Variants in DEAF1 observed in about 807,000 individuals in gnomAD.
DEAF1 encodes deformed epidermal autoregulatory factor 1 homolog.
Under a neutral mutation model 58.9 loss-of-function variants are expected in DEAF1, and 53 were observed. The ratio of observed to expected loss-of-function variants is 0.90; its 90% CI spans 0.72 to 1.13. The LOEUF is 1.13. Among genes scored for constraint, DEAF1 ranks in the 50% most tolerant of loss-of-function variants. DEAF1 has a pLI of 0.00. For synonymous variants in DEAF1, 385 were observed against 340.4 expected (o/e 1.13, Z -1.44); for missense variants, 685 against 791.4 (o/e 0.87, Z 1.61).
upstream of DEAF1, chr11:695,517 T>G (rs1371899122): frequency 2.4e-5 from 24 of 997,978 alleles, no homozygotes; most frequent in Non-Finnish European, 3.0e-5. Context: ...CAGAGAGAGC[T>G]TAGTGCCGCG....
chr11:681,122 A>G (rs1461414796), intron 6 of DEAF1, 33 bp from the exon 7 acceptor site: 1 of 1,613,244 alleles, frequency 6.2e-7, no homozygotes, highest in Admixed American at 1.7e-5. Flanking sequence ...CACCACCTTC[A>G]TGTGTGCAAA....
At chr11:700,905 A>G (rs930639374) in intron 1 of DEAF1, 1 of 620,556 alleles carries the variant, frequency 1.6e-6, no homozygotes, top group African/African-American at 1.8e-5. Context: ...GACAAATAAC[A>G]CTGGGGGCAT....
chr11:696,577 C>G (rs1165137565), upstream of DEAF1, among the ~76,000 whole-genome samples: 1 of 151,914 alleles, frequency 6.6e-6, no homozygotes, highest in Non-Finnish European at 1.5e-5. Flanking sequence ...CCAGCCTGGG[C>G]AACATAGCAA....
At chr11:679,636 CACAG>C (rs1860251421) in intron 8 of DEAF1, 48 bp downstream of exon 8, 1 of 1,603,694 alleles carries the variant, frequency 6.2e-7, no homozygotes, top group Non-Finnish European at 8.5e-7. Flanking sequence ...GATGTGATGT[CACAG>C]ACAGGGATAT....
chr11:683,687 T>C (rs896945761), intron 6 of DEAF1, among the ~76,000 whole-genome samples: 6 of 152,262 alleles, frequency 3.9e-5, no homozygotes, highest in African/African-American at 7.2e-5. Flanking sequence ...TTGATAGTCA[T>C]TGTGTTAAAC....
At chr11:662,217 T>C (rs1304121952) in intron 10 of DEAF1, among the ~76,000 whole-genome samples, 1 of 151,674 alleles carries the variant, frequency 6.6e-6, no homozygotes, top group East Asian at 1.9e-4. Flanking sequence ...AGGCAGAGGT[T>C]GTGTGTGGTG....
At chr11:686,197 T>A (rs1590015534) in intron 5 of DEAF1, among the ~76,000 whole-genome samples, 1 of 140,520 alleles carries the variant, frequency 7.1e-6, no homozygotes, top group Non-Finnish European at 1.5e-5. Context: ...GAGGCTGAGG[T>A]GGGACAATCC....
intron 9 of DEAF1, among the ~76,000 whole-genome samples, chr11:677,125 A>G (rs1167604360): frequency 1.4e-5 from 2 of 139,690 alleles, no homozygotes; most frequent in African/African-American, 2.5e-5. Flanking sequence ...CCCACCCCAC[A>G]CTTTTTTTTT....
At chr11:703,502 C>T in intron 1 of DEAF1, 1 of 1,245,084 alleles carries the variant, frequency 8.0e-7, no homozygotes, top group African/African-American at 1.5e-5. Context: ...GAGGACAGAG[C>T]CCTTCAGAAC....
At chr11:696,599 T>TA (rs879499347), upstream of DEAF1, among the ~76,000 whole-genome samples, 90 of 145,764 alleles carry the variant, frequency 6.2e-4, no homozygotes, top group Middle Eastern at 3.6e-3. Flanking sequence ...ACCCCCTCTA[T>TA]AAAAAAAAAA....
chr11:660,394 C>A (rs1215063282), intron 10 of DEAF1, among the ~76,000 whole-genome samples: 1 of 152,254 alleles, frequency 6.6e-6, no homozygotes, highest in Non-Finnish European at 1.5e-5. Flanking sequence ...CATCCCAGGT[C>A]AGGCAGGGTC....
At chr11:707,030 T>C (rs1163276339) in exon 1 of DEAF1, among the ~76,000 whole-genome samples, 1 of 151,824 alleles carries the variant, frequency 6.6e-6, no homozygotes, top group Non-Finnish European at 1.5e-5. Context: ...GGGCCGGGCA[T>C]GCCCGGACCT....
intron 5 of DEAF1, among the ~76,000 whole-genome samples, chr11:686,267 G>C (rs1860588798): frequency 6.7e-6 from 1 of 149,872 alleles, no homozygotes; most frequent in African/African-American, 2.5e-5. Flanking sequence ...ACTCCAGCCT[G>C]GGCAACAGGG....
chr11:694,976 A>AGCGGCCGCGGCCGCCACC lies in DEAF1; in HGVS notation c.54_71dup (p.Val25_Ala30dup), dbSNP rs1194404937. On this transcript the variant is annotated inframe_insertion, in exon 1 of 12. Coordinates refer to ENST00000382409, the MANE Select transcript of DEAF1 (RefSeq NM_021008.4). ...CCGCGGCCGCGGCCGCCGCCGCCAC[A>AGCGGCCGCGGCCGCCACC]GCGGCCGCGGCCGCCACCGCCGCCG... The AGCGGCCGCGGCCGCCACC allele has an allele frequency of 9.9e-7, 1 of 1,012,968 alleles. No homozygotes were observed. The highest frequency in any genetic ancestry group is 3.6e-5 in the South Asian group (1 of 27,680). 62.7% of individuals were successfully genotyped at this position (1,012,968 alleles called of 1,614,324 possible).
intron 10 of DEAF1, among the ~76,000 whole-genome samples, chr11:670,338 G>C (rs1859754941): frequency 6.6e-6 from 1 of 151,284 alleles, no homozygotes; most frequent in South Asian, 2.1e-4. Context: ...AGATTTTTTT[G>C]CCTTTAAACT....
rs150715233 is a variant in DEAF1 at position 646,538 on chromosome 11, T to A, written c.1594-1884A>T. 811 of 152,328 alleles carry A rather than the reference T, an allele frequency of 5.3e-3. 4 individuals carry two copies. Among genetic ancestry groups the A allele is most frequent in the African/African-American group, 0.018 (745 of 41,568 alleles). 9.4% of individuals were successfully genotyped at this position (152,328 alleles called of 1,614,324 possible). On this transcript the variant is annotated intron_variant, in intron 11 of 11. Coordinates refer to ENST00000382409, the MANE Select transcript of DEAF1 (RefSeq NM_021008.4). ...TGCTTCCTTCTCTGGTCTACAGGTT[T>A]GAGCCACTCCCTGGGGCCTGTGCAG...
intron 11 of DEAF1, among the ~76,000 whole-genome samples, chr11:647,662 G>A (rs12272377): frequency 1.3e-5 from 2 of 152,210 alleles, no homozygotes; most frequent in Admixed American, 6.5e-5. Context: ...AAGCCAGGAG[G>A]GCAGGCGCTA....
intron 1 of DEAF1, chr11:702,961 G>T (rs1222585254): frequency 6.2e-7 from 1 of 1,609,212 alleles, no homozygotes; most frequent in East Asian, 2.2e-5. Context: ...GGGGCAACCT[G>T]ACAGAGGCTG....
chr11:653,896 C>T, intron 11 of DEAF1, 66 bp downstream of exon 11: 1 of 1,463,552 alleles, frequency 6.8e-7, no homozygotes, highest in South Asian at 1.1e-5. Flanking sequence ...GGAGGGAGGG[C>T]CACCCAGGGG....
Sources: gnomAD v4.1 joint callset for allele counts (sites outside exome capture counted in the v4.1 genomes callset) on GRCh38, gnomAD v4.1.1 for gene constraint, MANE v1.5 for transcripts, NCBI Gene and HGNC (gene_info 2026-07-23, HGNC 2026-07-21) for gene names.